Variants in COL27A1 observed in about 807,000 individuals in gnomAD.
The protein encoded by COL27A1 is collagen alpha-1(XXVII) chain.
In COL27A1, 106 loss-of-function variants were observed where a neutral mutation model predicts 251.3. The ratio of observed to expected loss-of-function variants is 0.42; its 90% CI spans 0.36 to 0.50. COL27A1 has a LOEUF of 0.50. Among genes scored for constraint, COL27A1 ranks in the 20% least tolerant of loss-of-function variants. The pLI is 0.00. For missense variants in COL27A1, 2,325 were observed against 2,522.8 expected, an observed-to-expected ratio of 0.92 and a Z score of 1.68; for synonymous variants, 1,000 against 986.3, an observed-to-expected ratio of 1.01 and a Z score of -0.26.
At chr9:114,247,357 C>T (rs1833211843) in intron 24 of COL27A1, among the ~76,000 whole-genome samples, 2 of 152,170 alleles carry the variant, frequency 1.3e-5, no homozygotes, top group South Asian at 4.1e-4. Context: ...TGCCTACACT[C>T]ATATTCGAGG....
At chr9:114,300,568 G>A in intron 50 of COL27A1, 57 bp from the exon 51 acceptor site, 3 of 1,414,798 alleles carry the variant, frequency 2.1e-6, no homozygotes, top group South Asian at 2.8e-5. Context: ...GGGAGCTGTG[G>A]GGGCCCTTTA....
At chr9:114,209,361 C>A in intron 10 of COL27A1, 1 of 644,348 alleles carries the variant, frequency 1.6e-6, no homozygotes. Context: ...TCTAACCCAG[C>A]CGCGAGCTTC....
intron 3 of COL27A1, among the ~76,000 whole-genome samples, chr9:114,173,522 T>C (rs1252850350): frequency 6.6e-5 from 10 of 151,028 alleles, no homozygotes; most frequent in Non-Finnish European, 1.3e-4. Context: ...ACCATTCCCT[T>C]ATTCAGCCAT....
chr9:114,306,432 G>C (rs1829051618), intron 57 of COL27A1, 88 bp from the exon 58 acceptor site: 2 of 1,366,920 alleles, frequency 1.5e-6, no homozygotes, highest in East Asian at 4.6e-5. Flanking sequence ...ATACCTCCCA[G>C]GTTGTGAGAA....
Position 114,167,806 on chromosome 9 carries a change from C to T in COL27A1, c.251C>T (p.Ala84Val), listed in dbSNP as rs766143475. ...TTTACGCAGCGGGCCCGGCTCCAGGCTCCCACGGGCACCGTCATTCCTGCC... is the reference window on the plus strand; with the variant it reads ...TTTACGCAGCGGGCCCGGCTCCAGGTTCCCACGGGCACCGTCATTCCTGCC... ...FIFTQRARLQ[A>V]PTGTVIPAAL... The change falls in exon 3 of 61, where the codon GCT becomes GTT. Residue 84 changes from alanine to valine, a missense_variant. Physicochemically the swap from Ala to Val is moderately conservative, Grantham distance 64 (BLOSUM62 0). This residue lies in a region of COL27A1 where 1,183 missense variants were observed against 1,144.1 expected (regional missense o/e 1.03). Transcript: ENST00000356083. 3 of 1,613,500 alleles carry T rather than the reference C, an allele frequency of 1.9e-6. No homozygotes were observed. The highest frequency in any genetic ancestry group is 1.1e-5 in the South Asian group (1 of 91,088).
chr9:114,312,327 C>T lies in COL27A1; in HGVS notation c.*1632C>T, dbSNP rs1251301295. 6.6e-6 allele frequency: 1 copy of T among 152,164 alleles called. No individual in the cohort carries two copies. Among genetic ancestry groups the T allele is most frequent in the African/African-American group, 2.4e-5 (1 of 41,406 alleles). The allele number at this position is 152,164 out of a possible 1,614,324, so 9.4% of individuals were successfully genotyped here. A position where few individuals can be genotyped will look rare whatever the true frequency, so the allele number is the denominator to read the frequency against. On this transcript the variant is annotated 3_prime_UTR_variant, in exon 61 of 61. Transcript: ENST00000356083. ...AAGTGCGTGTTTGTAGCAGCTCGGG[C>T]CTCATCTCAGCGCTCGGATCCCTCC...
Position 114,160,393 on chromosome 9 carries a change from GATCCGCCT to G in COL27A1, c.63-2321_63-2314del, listed in dbSNP as rs559488761. ...GATGGTCTTGATCTCCTGACCTCAT[GATCCGCCT>G]GCCTCGGCCTCCCAAAGTGCTGGGA... is the stretch of plus-strand genomic sequence containing the variant. On this transcript the variant is annotated intron_variant, in intron 1 of 60. Coordinates refer to ENST00000356083, the MANE Select transcript of COL27A1 (RefSeq NM_032888.4). 2.4e-3 allele frequency among the ~76,000 whole-genome samples: 369 copies of G among 152,196 alleles called. 2 individuals are homozygous for G. Among genetic ancestry groups the G allele is most frequent in the Non-Finnish European group, 4.4e-3 (301 of 68,004 alleles).
intron 17 of COL27A1, 103 bp from the exon 18 acceptor site, chr9:114,236,878 G>A: frequency 9.8e-7 from 1 of 1,022,106 alleles, no homozygotes; most frequent in Non-Finnish European, 1.5e-6. Flanking sequence ...CTTCCTCCAA[G>A]GCGGGCGTTC....
chr9:114,248,004 G>A (rs79020897), intron 24 of COL27A1, among the ~76,000 whole-genome samples: 1,930 of 152,250 alleles, frequency 0.013, 16 homozygotes, highest in Non-Finnish European at 0.019. Flanking sequence ...CTACACAATC[G>A]TCTATGGCAG....
In COL27A1 at chr9:114,250,788, C is replaced by T. The variant is rs80233139; in HGVS notation, c.3033+120C>T. 4.8e-3 allele frequency: 4,033 copies of T among 835,610 alleles called. 18 individuals are homozygous for T. Among genetic ancestry groups the T allele is most frequent in the Middle Eastern group, 0.011 (44 of 4,170 alleles). The allele number at this position is 835,610 out of a possible 1,614,324, so 51.8% of individuals were successfully genotyped here. ...TACCCTCCCCTAGCCTCTCTCCTGA[C>T]CTGGCATTCTGAGTCTGCCAAGAGA... On this transcript the variant is annotated intron_variant, in intron 25 of 60. Coordinates refer to ENST00000356083, the MANE Select transcript of COL27A1 (RefSeq NM_032888.4).
At chr9:114,281,630 C>A (rs1207917690) in intron 37 of COL27A1, among the ~76,000 whole-genome samples, 1 of 152,216 alleles carries the variant, frequency 6.6e-6, no homozygotes, top group African/African-American at 2.4e-5. Flanking sequence ...GAATTGCTCG[C>A]AAGTGACGCA....
chr9:114,211,256 C>T (rs903301430), intron 12 of COL27A1, among the ~76,000 whole-genome samples: 4 of 152,188 alleles, frequency 2.6e-5, no homozygotes. Context: ...TGGGGTAGCT[C>T]CTGTCTCCCT....
chr9:114,162,381 A>C (rs1220197450), intron 1 of COL27A1, among the ~76,000 whole-genome samples: 1 of 152,238 alleles, frequency 6.6e-6, no homozygotes, highest in African/African-American at 2.4e-5. Context: ...CTGAGTCAGC[A>C]TCAGATTTTG....
chr9:114,233,851 G>A (rs559151806), intron 16 of COL27A1, among the ~76,000 whole-genome samples: 2 of 152,314 alleles, frequency 1.3e-5, no homozygotes, highest in South Asian at 4.1e-4. Context: ...AAAAGAGAGA[G>A]AGGGGGAGAA....
Position 114,205,264 on chromosome 9 carries a change from G to A in COL27A1, c.2169+118G>A, listed in dbSNP as rs1050878810. 2.0e-5 allele frequency: 18 copies of A among 919,886 alleles called. No homozygotes were observed. In the African/African-American group the frequency reaches 2.3e-4, roughly 12 times the overall value. 57.0% of individuals were successfully genotyped at this position (919,886 alleles called of 1,614,324 possible). A position where few individuals can be genotyped will look rare whatever the true frequency, so the allele number is the denominator to read the frequency against. ...GCCAGCCCCAGAGCCAGGCTGTTTT[G>A]CCTCTCACCCTGCTGGAGCCCCCAG... On this transcript the variant is annotated intron_variant, in intron 8 of 60. Transcript: ENST00000356083.
At chr9:114,157,106 A>G (rs200473294) in intron 1 of COL27A1, among the ~76,000 whole-genome samples, 14,937 of 147,896 alleles carry the variant, frequency 0.1, 875 homozygotes, top group South Asian at 0.16. Flanking sequence ...ACACACACAT[A>G]CGCGCGCGCG....
At position 114,290,503 on chromosome 9, in the gene COL27A1, G is replaced by A. The variant is rs1346541261; in HGVS notation, c.4368+172G>A. Among the ~76,000 whole-genome samples the A allele has an allele frequency of 6.6e-6, 1 of 152,118 alleles. No individual in the cohort carries two copies. Among genetic ancestry groups the A allele is most frequent in the African/African-American group, 2.4e-5 (1 of 41,414 alleles). The stretch of plus-strand genomic sequence containing the variant: ...ATCTCCTCCCCTGGCACCTGGGAGT[G>A]TGGACCTTCTGACTGTCTCTCCTGG... On this transcript the variant is annotated intron_variant, in intron 47 of 60. Coordinates refer to ENST00000356083, the MANE Select transcript of COL27A1 (RefSeq NM_032888.4). The surrounding 1 kb of genome is among the most constrained non-coding windows in gnomAD (Gnocchi z 4.6).
chr9:114,175,336 C>T lies in COL27A1; in HGVS notation c.1909-2955C>T, dbSNP rs140493085. ...CCGGCCTCGTGAATCATCCCAGAGT[C>T]ACCCGCTCAGGCTTCAGGCCCTGGA... On this transcript the variant is annotated intron_variant, in intron 3 of 60. Coordinates refer to ENST00000356083, the MANE Select transcript of COL27A1 (RefSeq NM_032888.4). 3.0e-3 allele frequency among the ~76,000 whole-genome samples: 462 copies of T among 152,336 alleles called. 1 individual carries two copies. The highest frequency in any genetic ancestry group is 0.011 in the African/African-American group (449 of 41,578).
chr9:114,264,385 G>T lies in COL27A1; in HGVS notation c.3226G>T (p.Glu1076Ter). ...GPRGPDGPAGEQGSRGLKGPP... is the reference protein window; with the variant it reads ...GPRGPDGPAG ...CCGAGGACCGGACGGACCAGCTGGGGAGCAAGGGTCCAGGGGCCTGAAGGT... is the reference window on the plus strand; with the variant it reads ...CCGAGGACCGGACGGACCAGCTGGGTAGCAAGGGTCCAGGGGCCTGAAGGT... Residue 1076 changes from glutamate to a stop codon, truncating the protein, a stop_gained, in exon 29 of 61, where the codon GAG (glutamate) becomes TAG (stop). Transcript: ENST00000356083. LOFTEE classifies it high-confidence loss of function. The T allele has an allele frequency of 6.3e-7, 1 of 1,597,026 alleles. No individual in the cohort carries two copies. Among genetic ancestry groups the T allele is most frequent in the Non-Finnish European group, 8.5e-7 (1 of 1,171,268 alleles).
Sources: allele counts gnomAD v4.1 joint callset (sites outside exome capture counted in the v4.1 genomes callset), GRCh38; gene constraint gnomAD v4.1.1; regional missense constraint gnomAD v4.1.1; non-coding constraint Gnocchi (gnomAD v3.1); transcripts MANE v1.5; gene names NCBI Gene and HGNC (gene_info 2026-07-23, HGNC 2026-07-21).